Variants in SIPA1L3 observed in about 807,000 individuals in gnomAD.
SIPA1L3 encodes signal induced proliferation associated 1 like 3, also known as signal-induced proliferation-associated 1-like protein 3.
Under a neutral mutation model 150.1 loss-of-function variants are expected in SIPA1L3, and 59 were observed. The observed-to-expected ratio is 0.39, with a 90% CI of 0.32 to 0.49. SIPA1L3 has a LOEUF of 0.49. Among genes scored for constraint, SIPA1L3 ranks in the 20% least tolerant of loss-of-function variants. The probability of loss-of-function intolerance (pLI) is 0.86; values close to 1 mark genes in which losing one functional copy is unlikely to be tolerated. For synonymous variants in SIPA1L3, 1,070 were observed against 1,077.6 expected (o/e 0.99, Z 0.14); for missense variants, 2,211 against 2,489.5 (o/e 0.89, Z 2.38).
At position 38,192,420 on chromosome 19, in the gene SIPA1L3, C is replaced by T. The variant is rs544056978; in HGVS notation, c.4596+110C>T. The T allele has an allele frequency of 7.8e-6, 8 of 1,023,240 alleles. No homozygotes were observed. The East Asian group carries it at 1.1e-4, about 15-fold the overall frequency. 63.4% of individuals were successfully genotyped at this position (1,023,240 alleles called of 1,614,324 possible). On this transcript the variant is annotated intron_variant, in intron 17 of 21. Transcript: ENST00000222345. ...CCCCACGGTCACGCCAGCTCCTTCC[C>T]GTCGTGTCCCCAGCCTTTGGCATCT...
At chr19:38,102,107 C>T (rs1343804004) in intron 6 of SIPA1L3, among the ~76,000 whole-genome samples, 6 of 146,262 alleles carry the variant, frequency 4.1e-5, no homozygotes, top group Admixed American at 7.0e-5. Flanking sequence ...AGTGCAGTGG[C>T]GCAATCTCAG....
At chr19:37,933,983 G>A (rs1291761675) in intron 1 of SIPA1L3, among the ~76,000 whole-genome samples, 1 of 152,204 alleles carries the variant, frequency 6.6e-6, no homozygotes, top group African/African-American at 2.4e-5. Context: ...TGCCTGGGAA[G>A]TAGCAATTAA....
At chr19:37,998,329 C>G (rs1967694871) in intron 1 of SIPA1L3, among the ~76,000 whole-genome samples, 1 of 152,228 alleles carries the variant, frequency 6.6e-6, no homozygotes, top group African/African-American at 2.4e-5. Context: ...GGAAAGAATT[C>G]ATAGTAATTT....
At chr19:37,972,657 T>C (rs1966973230) in intron 1 of SIPA1L3, among the ~76,000 whole-genome samples, 1 of 152,190 alleles carries the variant, frequency 6.6e-6, no homozygotes, top group Admixed American at 6.5e-5. Flanking sequence ...TGAGCTGTGA[T>C]TGTGCCACTG....
At position 38,101,134 on chromosome 19, in the gene SIPA1L3, C is replaced by T; in HGVS notation, c.1937C>T (p.Ala646Val). Residue 646 changes from alanine (A) to valine (V), a missense_variant, in exon 6 of 22, where the codon GCC (alanine) becomes GTC (valine). Around this residue, in one of 5 missense-constraint regions of SIPA1L3, gnomAD observed 625 missense variants for 804.2 expected, o/e 0.78. Coordinates refer to ENST00000222345, the MANE Select transcript of SIPA1L3 (RefSeq NM_015073.3). Reference protein sequence around the residue: ...SEEEMYNNEEAGPAFEEFLSL... With the variant: ...SEEEMYNNEEVGPAFEEFLSL... ...GAGGAGATGTACAACAATGAGGAGG[C>T]CGGCCCCGCCTTTGAGGAGTTCCTC... is the stretch of plus-strand genomic sequence containing the variant. 1 of 1,609,190 alleles carries T rather than the reference C, an allele frequency of 6.2e-7. No individual in the cohort carries two copies. Among genetic ancestry groups the T allele is most frequent in the Non-Finnish European group, 8.5e-7 (1 of 1,178,526 alleles).
At chr19:37,922,381 C>A (rs8109053) in intron 1 of SIPA1L3, among the ~76,000 whole-genome samples, 57,411 of 151,704 alleles carry the variant, frequency 0.38, 13,681 homozygotes, top group East Asian at 0.7. Flanking sequence ...AGTCACTGAG[C>A]CCTGCCTTGA....
chr19:37,960,464 C>T (rs2046847553), intron 1 of SIPA1L3, among the ~76,000 whole-genome samples: 1 of 149,208 alleles, frequency 6.7e-6, no homozygotes, highest in African/African-American at 2.5e-5. Flanking sequence ...AGTGCAGTGG[C>T]ATGATCTTGG....
chr19:38,161,874 C>G (rs1208004796), intron 13 of SIPA1L3, among the ~76,000 whole-genome samples: 3 of 92,560 alleles, frequency 3.2e-5, no homozygotes, highest in Admixed American at 9.1e-5. Flanking sequence ...GTAGCAAGAC[C>G]TCAAAAAAAA....
At chr19:38,061,894 A>G (rs1415407022) in intron 2 of SIPA1L3, among the ~76,000 whole-genome samples, 1 of 147,810 alleles carries the variant, frequency 6.8e-6, no homozygotes, top group Non-Finnish European at 1.5e-5. Flanking sequence ...TTTTTTTTTC[A>G]TGGATTCAGA....
At chr19:38,060,871 T>C (rs1054734389) in intron 2 of SIPA1L3, among the ~76,000 whole-genome samples, 4 of 152,108 alleles carry the variant, frequency 2.6e-5, no homozygotes, top group Non-Finnish European at 5.9e-5. Context: ...TTTGTATTTT[T>C]AGTAGAGACG....
chr19:38,202,547 C>T (rs1973112003), intron 20 of SIPA1L3, among the ~76,000 whole-genome samples: 1 of 152,186 alleles, frequency 6.6e-6, no homozygotes, highest in African/African-American at 2.4e-5. Context: ...AAGATCGAGC[C>T]ACTGCACTCC....
chr19:38,202,031 C>G, intron 20 of SIPA1L3, 34 bp downstream of exon 20: 1 of 1,585,490 alleles, frequency 6.3e-7, no homozygotes, highest in East Asian at 2.2e-5. Flanking sequence ...GGGTTCATAC[C>G]AGCGGCAGGC....
intron 8 of SIPA1L3, among the ~76,000 whole-genome samples, chr19:38,111,178 C>T (rs569681345): frequency 6.6e-6 from 1 of 151,970 alleles, no homozygotes; most frequent in South Asian, 2.1e-4. Flanking sequence ...GTGCACACCC[C>T]CATGCCTGGC....
At chr19:37,911,964 C>T (rs1873096958) in intron 1 of SIPA1L3, among the ~76,000 whole-genome samples, 2 of 151,792 alleles carry the variant, frequency 1.3e-5, no homozygotes, top group African/African-American at 2.4e-5. Context: ...CCCAGCTGCT[C>T]AGGAGGCTGA....
At position 38,142,121 on chromosome 19, in the gene SIPA1L3, C is replaced by A. The variant is rs147112417; in HGVS notation, c.3396-452C>A. Among the ~76,000 whole-genome samples the A allele has an allele frequency of 3.3e-5, 5 of 152,294 alleles. No homozygotes were observed. In the East Asian group the frequency reaches 9.6e-4, roughly 29 times the overall value. On this transcript the variant is annotated intron_variant, in intron 11 of 21. Transcript: ENST00000222345. ...AGATGTTAGCACCACCGTTCTAGTCCTGGGGTTGGCTGGTAGCTTCAGGGA... is the reference window on the plus strand; with the variant it reads ...AGATGTTAGCACCACCGTTCTAGTCATGGGGTTGGCTGGTAGCTTCAGGGA...
chr19:38,065,411 C>CTTTTT (rs10718226), intron 2 of SIPA1L3, among the ~76,000 whole-genome samples: 1 of 122,406 alleles, frequency 8.2e-6, no homozygotes, highest in African/African-American at 3.0e-5. Flanking sequence ...CACATGCTGA[C>CTTTTT]TTTTTTTTTT....
At position 38,076,201 on chromosome 19, in the gene SIPA1L3, A is replaced by G. The variant is rs1422153522; in HGVS notation, c.-310-5055A>G. ...AATAAATAAAAATAAAATGTTAGGT[A>G]TGTCATGAATACATAAAATATATGT... On this transcript the variant is annotated intron_variant, in intron 2 of 21. Coordinates refer to ENST00000222345, the MANE Select transcript of SIPA1L3 (RefSeq NM_015073.3). 2.0e-5 allele frequency among the ~76,000 whole-genome samples: 3 copies of G among 152,154 alleles called. No individual in the cohort carries two copies. In the South Asian group the frequency reaches 6.2e-4, roughly 31 times the overall value.
intron 2 of SIPA1L3, among the ~76,000 whole-genome samples, chr19:38,066,065 T>G (rs1260306256): frequency 6.6e-6 from 1 of 151,412 alleles, no homozygotes; most frequent in South Asian, 2.1e-4. Context: ...CTGGGCTTGA[T>G]CTCTTGAGGA....
intron 21 of SIPA1L3, 23 bp downstream of exon 21, chr19:38,204,231 C>T: frequency 1.3e-6 from 2 of 1,544,088 alleles, no homozygotes; most frequent in Non-Finnish European, 1.8e-6. Flanking sequence ...GCCACGCCCT[C>T]TCCATCCCAC....
Sources: gnomAD v4.1 joint callset for allele counts (sites outside exome capture counted in the v4.1 genomes callset) on GRCh38, gnomAD v4.1.1 for gene constraint, gnomAD v4.1.1 regional missense constraint, MANE v1.5 for transcripts, NCBI Gene and HGNC (gene_info 2026-07-23, HGNC 2026-07-21) for gene names.